SGCD: variants seen among roughly 807,000 people sequenced by gnomAD.
SGCD encodes delta-sarcoglycan.
In SGCD, 18 loss-of-function variants were observed where a neutral mutation model predicts 36.6. The observed-to-expected ratio is 0.49, with a 90% confidence interval of 0.34 to 0.73. The LOEUF is 0.73. Ranked by LOEUF, SGCD falls within the 30% of genes least tolerant of loss-of-function variation. The pLI is 0.01. For missense variants in SGCD, 387 were observed against 346.7 expected (o/e 1.12, Z -0.92); for synonymous variants, 133 against 130.6 (o/e 1.02, Z -0.12).
chr5:155,946,970 A>G (rs1299928983), intron 1 of SGCD, among the ~76,000 whole-genome samples: 2 of 152,206 alleles, frequency 1.3e-5, no homozygotes, highest in Non-Finnish European at 2.9e-5. Context: ...GGCAGGAAAG[A>G]TCACAAGAGC....
chr5:156,348,431 A>G (rs1769059169), intron 3 of SGCD, among the ~76,000 whole-genome samples: 1 of 152,172 alleles, frequency 6.6e-6, no homozygotes, highest in Admixed American at 6.5e-5. Context: ...AAATCAATGT[A>G]CACAAATGAG....
At chr5:156,075,243 A>C (rs1343232709) in intron 1 of SGCD, among the ~76,000 whole-genome samples, 2 of 152,222 alleles carry the variant, frequency 1.3e-5, no homozygotes, top group African/African-American at 2.4e-5. Flanking sequence ...TCTCAACACA[A>C]TGTATACCTA....
chr5:156,047,735 A>T (rs1407864782), intron 1 of SGCD, among the ~76,000 whole-genome samples: 1 of 152,138 alleles, frequency 6.6e-6, no homozygotes, highest in African/African-American at 2.4e-5. Flanking sequence ...CAAGGAAATG[A>T]ATATTGTTTT....
intron 3 of SGCD, among the ~76,000 whole-genome samples, chr5:156,308,729 C>T (rs1767306941): frequency 6.6e-6 from 1 of 152,164 alleles, no homozygotes; most frequent in Non-Finnish European, 1.5e-5. Context: ...GGGGGGATTA[C>T]AATTTGAGAT....
intron 3 of SGCD, among the ~76,000 whole-genome samples, chr5:156,298,602 CAG>C (rs1440588621): frequency 9.6e-6 from 1 of 104,408 alleles, no homozygotes; most frequent in Admixed American, 1.3e-4. Flanking sequence ...TTTTTGGAGA[CAG>C]AGTTTGCTCT....
chr5:156,429,265 C>CTTTTTTTTTTT (rs3074973), intron 3 of SGCD, among the ~76,000 whole-genome samples: 1 of 123,784 alleles, frequency 8.1e-6, no homozygotes, highest in African/African-American at 2.9e-5. Context: ...CCCTCATTGT[C>CTTTTTTTTTTT]TTTTTTTTTT....
chr5:156,015,149 T>C (rs891285212), intron 1 of SGCD, among the ~76,000 whole-genome samples: 2 of 152,204 alleles, frequency 1.3e-5, no homozygotes, highest in Non-Finnish European at 2.9e-5. Flanking sequence ...ATGGTGTTTT[T>C]CTAACTCCTC....
At chr5:156,359,201 G>A (rs1264142512) in intron 3 of SGCD, among the ~76,000 whole-genome samples, 3 of 152,120 alleles carry the variant, frequency 2.0e-5, no homozygotes, top group Non-Finnish European at 4.4e-5. Context: ...AAGGAAACTG[G>A]TTTATAACAG....
intron 3 of SGCD, among the ~76,000 whole-genome samples, chr5:156,175,316 A>G (rs1056405870): frequency 6.6e-6 from 1 of 152,222 alleles, no homozygotes; most frequent in African/African-American, 2.4e-5. Context: ...GTAGAAAAAA[A>G]GTAGTAAAAT....
chr5:156,248,516 T>TA (rs369763040), intron 3 of SGCD, among the ~76,000 whole-genome samples: 25 of 151,816 alleles, frequency 1.6e-4, no homozygotes, highest in African/African-American at 5.8e-4. Flanking sequence ...AGGCTCCGTC[T>TA]AAAAAAAACA....
chr5:156,568,724 T>C (rs763908646), intron 4 of SGCD, among the ~76,000 whole-genome samples: 2 of 152,218 alleles, frequency 1.3e-5, no homozygotes, highest in Non-Finnish European at 2.9e-5. Context: ...CAGATTTGCT[T>C]AGTGAATGTC....
chr5:155,744,424 C>G, the SGCD span, among the ~76,000 whole-genome samples: 1 of 152,054 alleles, frequency 6.6e-6, no homozygotes, highest in Admixed American at 6.6e-5. Flanking sequence ...CATGCCACTG[C>G]ACTCCAGCCT....
intron 3 of SGCD, among the ~76,000 whole-genome samples, chr5:156,275,760 T>G (rs1239705668): frequency 6.6e-6 from 1 of 152,182 alleles, no homozygotes; most frequent in Non-Finnish European, 1.5e-5. Flanking sequence ...TTACTTATGT[T>G]GCATCCTTCT....
intron 4 of SGCD, among the ~76,000 whole-genome samples, chr5:156,514,944 T>G (rs1314042959): frequency 6.6e-6 from 1 of 152,212 alleles, no homozygotes; most frequent in Non-Finnish European, 1.5e-5. Flanking sequence ...CTTCATCTCC[T>G]TCTGACAATG....
At chr5:156,459,258 A>G (rs983467) in intron 3 of SGCD, among the ~76,000 whole-genome samples, 118,942 of 152,100 alleles carry the variant, frequency 0.78, 46,465 homozygotes, top group Middle Eastern at 0.91. Context: ...ACATTAGATA[A>G]ACAGGTTCAC....
At chr5:156,359,121 A>G (rs1357070408) in intron 3 of SGCD, among the ~76,000 whole-genome samples, 3 of 152,190 alleles carry the variant, frequency 2.0e-5, no homozygotes, top group African/African-American at 7.2e-5. Context: ...ATAATTGGGG[A>G]CCTCACCTGT....
At chr5:156,220,228 C>A (rs17053349) in intron 3 of SGCD, among the ~76,000 whole-genome samples, 33,486 of 151,990 alleles carry the variant, frequency 0.22, 4,334 homozygotes, top group East Asian at 0.62. Context: ...TGTATTTCTG[C>A]AGTTTTATTG....
chr5:156,011,141 ATCTAC>A (rs1339590447), intron 1 of SGCD, among the ~76,000 whole-genome samples: 1 of 152,216 alleles, frequency 6.6e-6, no homozygotes, highest in Non-Finnish European at 1.5e-5. Context: ...TATTTTGGAC[ATCTAC>A]TCTATTCTAG....
At chr5:156,329,687 T>G in intron 2 of SGCD, 108 bp downstream of exon 2, 1 of 918,796 alleles carries the variant, frequency 1.1e-6, no homozygotes, top group Non-Finnish European at 1.6e-6. Context: ...TGCCTTATCC[T>G]GATGAAGACA....
Sources: gnomAD v4.1 joint callset for allele counts (sites outside exome capture counted in the v4.1 genomes callset) on GRCh38, gnomAD v4.1.1 for gene constraint, MANE v1.5 for transcripts, NCBI Gene and HGNC (gene_info 2026-07-23, HGNC 2026-07-21) for gene names.